Variants in PIP4K2A observed in about 807,000 individuals in gnomAD.
The protein encoded by PIP4K2A is phosphatidylinositol-5-phosphate 4-kinase type 2 alpha, also known as phosphatidylinositol 5-phosphate 4-kinase type-2 alpha.
PIP4K2A carries 14 observed loss-of-function variants against 42.9 expected under a neutral mutation model. That is an observed-to-expected ratio of 0.33 (90% CI 0.22 to 0.51). PIP4K2A has a LOEUF of 0.51. PIP4K2A is among the 20% of genes least tolerant of loss of function. The probability of loss-of-function intolerance (pLI) is 0.97; values close to 1 mark genes in which losing one functional copy is unlikely to be tolerated. For synonymous variants in PIP4K2A, 192 were observed against 192.2 expected (o/e 1.00, Z 0.01); for missense variants, 434 against 519.8 (o/e 0.83, Z 1.61).
chr10:22,604,311 T>C (rs1309472561), intron 3 of PIP4K2A, among the ~76,000 whole-genome samples: 1 of 152,150 alleles, frequency 6.6e-6, no homozygotes, highest in Non-Finnish European at 1.5e-5. Context: ...TACTTAACCA[T>C]GCTCTGCTTT....
At chr10:22,697,817 T>C (rs1042352849) in intron 1 of PIP4K2A, among the ~76,000 whole-genome samples, 3 of 152,036 alleles carry the variant, frequency 2.0e-5, no homozygotes, top group Non-Finnish European at 4.4e-5. Context: ...AGATGTCACA[T>C]TACATTTTCT....
intron 3 of PIP4K2A, among the ~76,000 whole-genome samples, chr10:22,607,561 TACAAA>T (rs1837932080): frequency 6.6e-6 from 1 of 152,064 alleles, no homozygotes; most frequent in Non-Finnish European, 1.5e-5. Context: ...TCTACGAAGA[TACAAA>T]ACATGCACAC....
At chr10:22,631,349 G>C (rs1045309395) in intron 1 of PIP4K2A, among the ~76,000 whole-genome samples, 2 of 152,062 alleles carry the variant, frequency 1.3e-5, no homozygotes, top group Admixed American at 1.3e-4. Context: ...GCCCTGATCT[G>C]ATGGAATTAA....
intron 5 of PIP4K2A, among the ~76,000 whole-genome samples, chr10:22,568,291 C>G (rs1201536569): frequency 6.6e-6 from 1 of 152,226 alleles, no homozygotes; most frequent in Non-Finnish European, 1.5e-5. Flanking sequence ...GTCCCACTAG[C>G]TGGCTGCAGT....
chr10:22,664,156 T>TATATATATAC (rs1564460170), intron 1 of PIP4K2A, among the ~76,000 whole-genome samples: 2 of 59,514 alleles, frequency 3.4e-5, no homozygotes, highest in East Asian at 3.2e-4. Context: ...TATATACACA[T>TATATATATAC]ATATATATAT....
intron 1 of PIP4K2A, among the ~76,000 whole-genome samples, chr10:22,661,345 C>A (rs962562095): frequency 7.3e-6 from 1 of 136,524 alleles, no homozygotes; most frequent in South Asian, 2.3e-4. Context: ...GAGGATGATG[C>A]TGCCTTTTTT....
chr10:22,544,377 C>T (rs1383064499), intron 7 of PIP4K2A, among the ~76,000 whole-genome samples: 1 of 152,148 alleles, frequency 6.6e-6, no homozygotes, highest in African/African-American at 2.4e-5. Context: ...GTTCCAAGGC[C>T]TCTGGGCTGC....
intron 1 of PIP4K2A, among the ~76,000 whole-genome samples, chr10:22,666,591 CCT>C (rs774312115): frequency 2.2e-3 from 332 of 152,294 alleles, no homozygotes; most frequent in Non-Finnish European, 2.3e-3. Context: ...TAACACAGCC[CCT>C]GTGTCAACAT....
intron 1 of PIP4K2A, among the ~76,000 whole-genome samples, chr10:22,613,121 G>A (rs1005397072): frequency 1.3e-5 from 2 of 152,140 alleles, no homozygotes; most frequent in Non-Finnish European, 2.9e-5. Flanking sequence ...CATGCTATGG[G>A]ATGATCATGA....
At chr10:22,540,364 CT>C (rs199836038) in intron 8 of PIP4K2A, among the ~76,000 whole-genome samples, 4,246 of 143,380 alleles carry the variant, frequency 0.03, 159 homozygotes, top group African/African-American at 0.088. Context: ...GGAACGGAGT[CT>C]TTTTTTTTTT....
rs1297437632 is a variant in PIP4K2A, at chr10:22,714,439, C to CGCGCT, written c.-118_-114dup. On this transcript the variant is annotated 5_prime_UTR_variant, in exon 1 of 10. Transcript: ENST00000376573. ...CCCCCCGGCGGCGGCCCCGGCGCGCCGCGCTCCGCTCCGCCCGCCGCCGCC... is the reference window on the plus strand; with the variant it reads ...CCCCCCGGCGGCGGCCCCGGCGCGCCGCGCTGCGCTCCGCTCCGCCCGCCGCCGCC... The CGCGCT allele has an allele frequency of 1.5e-6, 1 of 649,478 alleles. No homozygotes were observed. Among genetic ancestry groups the CGCGCT allele is most frequent in the African/African-American group, 2.0e-5 (1 of 50,366 alleles). 40.2% of individuals were successfully genotyped at this position (649,478 alleles called of 1,614,324 possible). A position where few individuals can be genotyped will look rare whatever the true frequency, so the allele number is the denominator to read the frequency against.
chr10:22,543,258 T>C (rs1836174082), intron 7 of PIP4K2A, among the ~76,000 whole-genome samples: 1 of 152,158 alleles, frequency 6.6e-6, no homozygotes, highest in African/African-American at 2.4e-5. Flanking sequence ...AGCTGGTTCC[T>C]GGTGCCTGCA....
At chr10:22,583,508 C>T (rs995523556) in intron 4 of PIP4K2A, among the ~76,000 whole-genome samples, 2 of 152,152 alleles carry the variant, frequency 1.3e-5, no homozygotes, top group African/African-American at 4.8e-5. Context: ...TAGACAGAGC[C>T]TGTCAGGAGC....
At chr10:22,659,046 A>C (rs550011762) in intron 1 of PIP4K2A, among the ~76,000 whole-genome samples, 2 of 152,176 alleles carry the variant, frequency 1.3e-5, no homozygotes, top group African/African-American at 4.8e-5. Flanking sequence ...CTTGGCTCCG[A>C]GGTTGGGACT....
chr10:22,660,477 A>C (rs1839184784), intron 1 of PIP4K2A, among the ~76,000 whole-genome samples: 1 of 152,182 alleles, frequency 6.6e-6, no homozygotes, highest in Non-Finnish European at 1.5e-5. Context: ...TCTCAAAAAA[A>C]TAAAAAATAA....
chr10:22,549,356 T>C (rs556008157), intron 7 of PIP4K2A, among the ~76,000 whole-genome samples: 1 of 151,980 alleles, frequency 6.6e-6, no homozygotes, highest in South Asian at 2.1e-4. Flanking sequence ...TTTTTCTTTT[T>C]TTTTTTTTGG....
chr10:22,557,304 G>A (rs150729597), intron 6 of PIP4K2A, among the ~76,000 whole-genome samples: 135 of 152,262 alleles, frequency 8.9e-4, no homozygotes, highest in African/African-American at 2.7e-3. Context: ...TCCCAGAACT[G>A]ATAAAAAGGA....
At chr10:22,697,833 G>A (rs997837671) in intron 1 of PIP4K2A, among the ~76,000 whole-genome samples, 4 of 152,056 alleles carry the variant, frequency 2.6e-5, no homozygotes, top group African/African-American at 4.8e-5. Context: ...TTTCTGAAAC[G>A]GTTCATGTGA....
chr10:22,544,381 G>A (rs1027563374), intron 7 of PIP4K2A, among the ~76,000 whole-genome samples: 2 of 152,186 alleles, frequency 1.3e-5, no homozygotes, highest in Non-Finnish European at 2.9e-5. Flanking sequence ...CAAGGCCTCT[G>A]GGCTGCTGGA....
Sources: allele counts gnomAD v4.1 joint callset (sites outside exome capture counted in the v4.1 genomes callset), GRCh38; gene constraint gnomAD v4.1.1; transcripts MANE v1.5; gene names NCBI Gene and HGNC (gene_info 2026-07-23, HGNC 2026-07-21).